Variants in PAFAH1B1 observed in about 807,000 individuals in gnomAD.
The protein encoded by PAFAH1B1 is platelet-activating factor acetylhydrolase IB subunit beta.
PAFAH1B1 carries 2 observed loss-of-function variants against 57.5 expected under a neutral mutation model. That is an observed-to-expected ratio of 0.03 (90% CI 0.01 to 0.11). The LOEUF is 0.11. Ranked by LOEUF, PAFAH1B1 falls within the 10% of genes least tolerant of loss-of-function variation. The probability of loss-of-function intolerance (pLI) is 1.00; values close to 1 mark genes in which losing one functional copy is unlikely to be tolerated. For synonymous variants in PAFAH1B1, 152 were observed against 169.6 expected (o/e 0.90, Z 0.81); for missense variants, 257 against 512.0 (o/e 0.50, Z 4.81).
chr17:2,667,994 C>A (rs1361789800), intron 5 of PAFAH1B1, among the ~76,000 whole-genome samples: 2 of 151,822 alleles, frequency 1.3e-5, no homozygotes, highest in Non-Finnish European at 2.9e-5. Flanking sequence ...AGGGTTATTT[C>A]AAAGTAAGTT....
chr17:2,657,187 C>A (rs1298704059), intron 2 of PAFAH1B1, among the ~76,000 whole-genome samples: 2 of 152,158 alleles, frequency 1.3e-5, no homozygotes, highest in Admixed American at 1.3e-4. Context: ...TGTTAATGAA[C>A]ATTCTTAATG....
At chr17:2,680,030 C>G in intron 9 of PAFAH1B1, 134 bp from the exon 10 acceptor site, 1 of 830,416 alleles carries the variant, frequency 1.2e-6, no homozygotes, top group South Asian at 1.5e-5. Flanking sequence ...TTCCTTTAAT[C>G]TAGAATCCCC....
At chr17:2,627,037 T>C (rs1160516164) in intron 1 of PAFAH1B1, among the ~76,000 whole-genome samples, 1 of 152,030 alleles carries the variant, frequency 6.6e-6, no homozygotes, top group East Asian at 1.9e-4. Flanking sequence ...TCCCACCCTG[T>C]GGGTTGTCTG....
intron 2 of PAFAH1B1, among the ~76,000 whole-genome samples, chr17:2,653,795 T>C (rs2068899214): frequency 6.6e-6 from 1 of 152,154 alleles, no homozygotes; most frequent in Non-Finnish European, 1.5e-5. Context: ...ACATTTTTTA[T>C]TTTTATTTTT....
chr17:2,665,343 T>G (rs1486282312), intron 2 of PAFAH1B1, 29 bp from the exon 3 acceptor site: 1 of 1,289,060 alleles, frequency 7.8e-7, no homozygotes, highest in Admixed American at 1.7e-5. Flanking sequence ...AGGTCTTTTT[T>G]TTAGGAGTCA....
chr17:2,660,200 TGCAAGCTTA>T (rs1288920429), intron 2 of PAFAH1B1, among the ~76,000 whole-genome samples: 1 of 145,448 alleles, frequency 6.9e-6, no homozygotes, highest in Non-Finnish European at 1.5e-5. Flanking sequence ...GCCCTGAATA[TGCAAGCTTA>T]GCCTTTTCAG....
intron 2 of PAFAH1B1, among the ~76,000 whole-genome samples, chr17:2,660,452 G>A (rs917985331): frequency 2.0e-5 from 3 of 152,008 alleles, no homozygotes; most frequent in African/African-American, 4.8e-5. Context: ...CCTCCCTGTG[G>A]TCCATGTGTT....
At chr17:2,614,858 G>T in intron 1 of PAFAH1B1, among the ~76,000 whole-genome samples, 1 of 152,276 alleles carries the variant, frequency 6.6e-6, no homozygotes, top group South Asian at 2.1e-4. Context: ...AAGGGGCAAA[G>T]ATTATAGTGC....
intron 2 of PAFAH1B1, among the ~76,000 whole-genome samples, chr17:2,646,278 T>G (rs1178173905): frequency 6.6e-6 from 1 of 152,122 alleles, no homozygotes; most frequent in Admixed American, 6.5e-5. Flanking sequence ...AAAACCAATT[T>G]AAGAAAATTT....
chr17:2,634,061 C>G (rs2068590951), intron 1 of PAFAH1B1, among the ~76,000 whole-genome samples: 1 of 147,490 alleles, frequency 6.8e-6, no homozygotes. Context: ...TTAGAATCAA[C>G]ATACGTAAAA....
At chr17:2,674,714 T>C (rs889292996) in intron 8 of PAFAH1B1, among the ~76,000 whole-genome samples, 7 of 152,234 alleles carry the variant, frequency 4.6e-5, no homozygotes, top group African/African-American at 1.4e-4. Context: ...TGTGATAGTA[T>C]AAATGTTTTT....
chr17:2,638,661 C>G (rs985701743), intron 2 of PAFAH1B1: 4 of 246,862 alleles, frequency 1.6e-5, no homozygotes, highest in Admixed American at 5.1e-5. Context: ...GCACCCGCTA[C>G]CATGCCTAGC....
chr17:2,665,594 T>A (rs1267450539), intron 3 of PAFAH1B1, 138 bp downstream of exon 3: 15 of 584,304 alleles, frequency 2.6e-5, no homozygotes, highest in East Asian at 1.5e-4. Flanking sequence ...TCACTCCTTT[T>A]TTTTTTATTT....
intron 1 of PAFAH1B1, among the ~76,000 whole-genome samples, chr17:2,626,570 CCG>C (rs1251196312): frequency 7.9e-5 from 6 of 76,108 alleles, no homozygotes; most frequent in Non-Finnish European, 1.3e-4. Context: ...CCCCCCCCCC[CCG>C]AGGCGGAGTC....
At chr17:2,678,419 A>AC (rs34591445) in intron 9 of PAFAH1B1, among the ~76,000 whole-genome samples, 13 of 144,798 alleles carry the variant, frequency 9.0e-5, no homozygotes, top group South Asian at 2.2e-4. Context: ...AAAAAAAAAA[A>AC]CCCGGGCATG....
At chr17:2,651,963 C>T (rs543155426) in intron 2 of PAFAH1B1, among the ~76,000 whole-genome samples, 72 of 152,262 alleles carry the variant, frequency 4.7e-4, no homozygotes, top group African/African-American at 1.7e-3. Context: ...AAATTCACTG[C>T]CCTAAAAATC....
At chr17:2,594,762 T>G (rs1280913937) in intron 1 of PAFAH1B1, among the ~76,000 whole-genome samples, 1 of 152,214 alleles carries the variant, frequency 6.6e-6, no homozygotes, top group Non-Finnish European at 1.5e-5. Context: ...AACATTCAGC[T>G]TCGAGGCTCC....
intron 1 of PAFAH1B1, among the ~76,000 whole-genome samples, chr17:2,618,451 A>C (rs979051095): frequency 1.3e-5 from 2 of 152,152 alleles, no homozygotes; most frequent in South Asian, 4.1e-4. Flanking sequence ...AGGAAATAAA[A>C]AGATTGATCT....
intron 1 of PAFAH1B1, among the ~76,000 whole-genome samples, chr17:2,604,058 T>C (rs2068176298): frequency 6.6e-6 from 1 of 150,656 alleles, no homozygotes; most frequent in South Asian, 2.1e-4. Context: ...TTTTCTTTTT[T>C]GAGACGGAGT....
Sources: gnomAD v4.1 joint callset for allele counts (sites outside exome capture counted in the v4.1 genomes callset) on GRCh38, gnomAD v4.1.1 for gene constraint, MANE v1.5 for transcripts, NCBI Gene and HGNC (gene_info 2026-07-23, HGNC 2026-07-21) for gene names.